The following DCDC2C variants were observed in gnomAD, a reference collection of about 807,000 sequenced individuals.
DCDC2C encodes doublecortin domain containing 2C, also known as doublecortin domain-containing protein 2C.
DCDC2C carries 44 observed loss-of-function variants against 45.0 expected under a neutral mutation model. The observed-to-expected ratio is 0.98, with a 90% CI of 0.77 to 1.26. The LOEUF (loss-of-function observed/expected upper bound fraction) is 1.26. Among genes scored for constraint, DCDC2C ranks in the 50% most tolerant of loss-of-function variants. DCDC2C has a pLI of 0.00. For missense variants in DCDC2C, 447 were observed against 468.9 expected, an observed-to-expected ratio of 0.95 and a Z score of 0.43; for synonymous variants, 187 against 178.8, an observed-to-expected ratio of 1.05 and a Z score of -0.37.
At chr2:3,797,342 T>C (rs900681237) in intron 10 of DCDC2C, among the ~76,000 whole-genome samples, 1 of 127,420 alleles carries the variant, frequency 7.8e-6, no homozygotes, top group Non-Finnish European at 1.6e-5. Context: ...GTTAATTTTT[T>C]GAAGGGTTTT....
chr2:3,808,473 C>T (rs10865002), intron 10 of DCDC2C, among the ~76,000 whole-genome samples: 15,152 of 152,062 alleles, frequency 0.1, 1,029 homozygotes, highest in East Asian at 0.29. Flanking sequence ...CTCACTGCAA[C>T]CTCTGCCTCC....
intron 10 of DCDC2C, among the ~76,000 whole-genome samples, chr2:3,843,482 T>C (rs1672261571): frequency 1.3e-5 from 2 of 152,204 alleles, no homozygotes; most frequent in South Asian, 4.1e-4. Context: ...TTTCAAATGG[T>C]TTTGTTTTCA....
In DCDC2C at chr2:3,739,190, AAAAT is replaced by A. The variant is rs535248116; in HGVS notation, c.417-2726_417-2723del. Among the ~76,000 whole-genome samples the A allele has an allele frequency of 7.2e-5, 11 of 152,344 alleles. No homozygotes were observed. The South Asian group carries it at 2.3e-3, about 32-fold the overall frequency. Reference sequence around the variant, plus strand: ...GGAAATCTAGAAAAGCATAAAGAATAAAATAAAATTCTCCAGTTATCCCATCCCT... The same window carrying A: ...GGAAATCTAGAAAAGCATAAAGAATAAAAATTCTCCAGTTATCCCATCCCT... On this transcript the variant is annotated intron_variant, in intron 3 of 10. Coordinates refer to ENST00000399143, the MANE Select transcript of DCDC2C (RefSeq NM_001287444.2).
intron 1 of DCDC2C, 55 bp from the exon 2 acceptor site, chr2:3,708,494 C>T: frequency 7.1e-7 from 1 of 1,399,366 alleles, no homozygotes; most frequent in Non-Finnish European, 9.7e-7. Flanking sequence ...GAGTCTGGAA[C>T]TTTCTATGTA....
chr2:3,733,868 G>A (rs1047311846), intron 3 of DCDC2C, among the ~76,000 whole-genome samples: 2 of 152,202 alleles, frequency 1.3e-5, no homozygotes, highest in African/African-American at 4.8e-5. Context: ...CCCACCAGGG[G>A]TCTGGGACCT....
chr2:3,793,365 A>G (rs1670874160), intron 10 of DCDC2C, among the ~76,000 whole-genome samples: 1 of 152,242 alleles, frequency 6.6e-6, no homozygotes, highest in African/African-American at 2.4e-5. Context: ...CGCCTTCTGC[A>G]TCGGAAGCCT....
At chr2:3,790,638 T>C (rs1003610518) in intron 10 of DCDC2C, among the ~76,000 whole-genome samples, 11 of 152,174 alleles carry the variant, frequency 7.2e-5, no homozygotes, top group Non-Finnish European at 1.3e-4. Context: ...ATCTTTACTG[T>C]TTTTTCTCTT....
chr2:3,727,072 CATATAAAGTGA>C lies in DCDC2C; in HGVS notation c.410_416+4del. ...GCAAACATATCATCGTATATCTCGACATATAAAGTGAGTATAATATTATGGGTGAAAAAATC... is the reference window on the plus strand; with the variant it reads ...GCAAACATATCATCGTATATCTCGACGTATAATATTATGGGTGAAAAAATC... On this transcript the variant is annotated splice_donor_variant and splice_donor_region_variant and coding_sequence_variant and intron_variant, in exon 3 of 11. Coordinates refer to ENST00000399143, the MANE Select transcript of DCDC2C (RefSeq NM_001287444.2). LOFTEE classifies it high-confidence loss of function. 1 of 1,548,702 alleles carries C rather than the reference CATATAAAGTGA, an allele frequency of 6.5e-7. No homozygotes were observed. The highest frequency in any genetic ancestry group is 8.7e-7 in the Non-Finnish European group (1 of 1,145,434).
rs551555422 is a variant in DCDC2C, at chr2:3,777,561, T to C, written c.955-1255T>C. ...GATTGACATTATGTTGATTATTCTT[T>C]AAAATAATGTGTTTTTACAAAGCTT... is the stretch of plus-strand genomic sequence containing the variant. On this transcript the variant is annotated intron_variant, in intron 8 of 10. Coordinates refer to ENST00000399143, the MANE Select transcript of DCDC2C (RefSeq NM_001287444.2). Among the ~76,000 whole-genome samples the C allele has an allele frequency of 1.4e-4, 21 of 152,372 alleles. No homozygotes were observed. In the East Asian group the frequency reaches 4.0e-3, roughly 29 times the overall value.
chr2:3,815,921 G>T (rs112464298), intron 10 of DCDC2C, among the ~76,000 whole-genome samples: 30,564 of 152,214 alleles, frequency 0.2, 3,307 homozygotes, highest in South Asian at 0.35. Flanking sequence ...CTTGGGCTCA[G>T]AGACCTGACA....
At chr2:3,844,194 A>G (rs1672274577) in intron 10 of DCDC2C, 1 of 152,484 alleles carries the variant, frequency 6.6e-6, no homozygotes, top group African/African-American at 2.4e-5. Flanking sequence ...TCACTAAGAC[A>G]AGAAGAATAA....
rs962191185 is a variant in DCDC2C, at chr2:3,761,700, G to A, written c.727-6054G>A. Among the ~76,000 whole-genome samples, 1 of 152,170 alleles carries A rather than the reference G, an allele frequency of 6.6e-6. No homozygotes were observed. Among genetic ancestry groups the A allele is most frequent in the Non-Finnish European group, 1.5e-5 (1 of 68,022 alleles). ...CACTTGGGATGGAAATGGGACATTC[G>A]CATGGGAACTTTTTGCTGTCAGCAT... On this transcript the variant is annotated intron_variant, in intron 6 of 10. Transcript: ENST00000399143. The surrounding 1 kb of genome is among the most constrained non-coding windows in gnomAD (Gnocchi z 4.3).
At chr2:3,728,228 G>A (rs971892855) in intron 3 of DCDC2C, among the ~76,000 whole-genome samples, 5 of 152,194 alleles carry the variant, frequency 3.3e-5, no homozygotes, top group African/African-American at 9.7e-5. Flanking sequence ...AAATGTGGCC[G>A]AGAATTCGCC....
chr2:3,813,773 T>G (rs1286937904), intron 10 of DCDC2C, among the ~76,000 whole-genome samples: 1 of 142,388 alleles, frequency 7.0e-6, no homozygotes, highest in Non-Finnish European at 1.5e-5. Context: ...TTGGTAAATT[T>G]TCCTCCATCC....
intron 10 of DCDC2C, among the ~76,000 whole-genome samples, chr2:3,814,464 A>G (rs1572636978): frequency 6.6e-6 from 1 of 152,204 alleles, no homozygotes. Flanking sequence ...TTGGGTTAGA[A>G]CATGCTCAGT....
chr2:3,723,598 G>A (rs1039978721), intron 2 of DCDC2C, among the ~76,000 whole-genome samples: 4 of 152,182 alleles, frequency 2.6e-5, no homozygotes, highest in African/African-American at 7.2e-5. Flanking sequence ...GGTAGAGTAA[G>A]GGCAGGCCTT....
At chr2:3,841,850 A>G (rs1236127040) in intron 10 of DCDC2C, among the ~76,000 whole-genome samples, 2 of 152,120 alleles carry the variant, frequency 1.3e-5, no homozygotes, top group African/African-American at 2.4e-5. Flanking sequence ...ATTTTCTTCT[A>G]TAACCCCCGC....
intron 2 of DCDC2C, among the ~76,000 whole-genome samples, chr2:3,718,634 T>A (rs1280562074): frequency 6.6e-6 from 1 of 152,054 alleles, no homozygotes; most frequent in African/African-American, 2.4e-5. Flanking sequence ...TGGGGGTCTG[T>A]TTTCATCGCC....
chr2:3,751,184 G>C (rs1043111154), intron 4 of DCDC2C, among the ~76,000 whole-genome samples: 2 of 152,126 alleles, frequency 1.3e-5, no homozygotes, highest in Non-Finnish European at 2.9e-5. Context: ...CTTGCTGTTT[G>C]GCCCCCGGGA....
Sources: gnomAD v4.1 joint callset for allele counts (sites outside exome capture counted in the v4.1 genomes callset) on GRCh38, gnomAD v4.1.1 for gene constraint, Gnocchi (gnomAD v3.1) non-coding constraint, MANE v1.5 for transcripts, NCBI Gene and HGNC (gene_info 2026-07-23, HGNC 2026-07-21) for gene names.